The following PHACTR3 variants were observed in gnomAD, a reference collection of about 807,000 sequenced individuals.
The protein encoded by PHACTR3 is phosphatase and actin regulator 3.
A neutral mutation model predicts 66.8 loss-of-function variants in PHACTR3; 16 were observed. The ratio of observed to expected loss-of-function variants is 0.24; its 90% CI spans 0.16 to 0.36. The LOEUF (loss-of-function observed/expected upper bound fraction) is 0.36. Ranked by LOEUF, PHACTR3 falls within the 10% of genes least tolerant of loss-of-function variation. The pLI is 1.00. For missense variants in PHACTR3, 647 were observed against 719.9 expected (o/e 0.90, Z 1.16); for synonymous variants, 323 against 292.1 (o/e 1.11, Z -1.08).
intron 1 of PHACTR3, among the ~76,000 whole-genome samples, chr20:59,651,800 A>G (rs2035466561): frequency 6.6e-6 from 1 of 152,112 alleles, no homozygotes; most frequent in Admixed American, 6.5e-5. Flanking sequence ...AGAGTTTTCC[A>G]GAGAAACCCA....
At chr20:59,599,615 C>T (rs529555846), upstream of PHACTR3, among the ~76,000 whole-genome samples, 2 of 152,312 alleles carry the variant, frequency 1.3e-5, no homozygotes, top group East Asian at 3.9e-4. Context: ...GATAGCATCA[C>T]ACCCACCCTG....
At chr20:59,665,229 A>G (rs995333269) in intron 1 of PHACTR3, among the ~76,000 whole-genome samples, 4 of 152,186 alleles carry the variant, frequency 2.6e-5, no homozygotes, top group Admixed American at 2.6e-4. Context: ...TCCTTCAAGT[A>G]TGTGGCTCTC....
intron 2 of PHACTR3, 89 bp downstream of exon 2, chr20:59,743,357 C>CA: frequency 6.7e-7 from 1 of 1,501,072 alleles, no homozygotes; most frequent in Non-Finnish European, 9.1e-7. Context: ...CTGTGACTTC[C>CA]TGGCCCCTAC....
At chr20:59,806,443 A>G (rs1377300016) in intron 8 of PHACTR3, among the ~76,000 whole-genome samples, 7 of 152,204 alleles carry the variant, frequency 4.6e-5, no homozygotes, top group Admixed American at 4.6e-4. Flanking sequence ...CGTGACAATC[A>G]AAACTGTCCC....
At chr20:59,644,351 A>G (rs1003904503) in intron 1 of PHACTR3, among the ~76,000 whole-genome samples, 1 of 152,228 alleles carries the variant, frequency 6.6e-6, no homozygotes, top group African/African-American at 2.4e-5. Flanking sequence ...TGTGATATAA[A>G]CAACAGATAT....
At chr20:59,758,259 T>C (rs1483671193) in intron 4 of PHACTR3, among the ~76,000 whole-genome samples, 1 of 152,202 alleles carries the variant, frequency 6.6e-6, no homozygotes, top group Non-Finnish European at 1.5e-5. Context: ...ACATTATTAA[T>C]GTTCAATTAA....
chr20:59,594,104 C>T (rs1379412104), intron 1 of PHACTR3, among the ~76,000 whole-genome samples: 1 of 152,172 alleles, frequency 6.6e-6, no homozygotes, highest in Non-Finnish European at 1.5e-5. Context: ...TGACAATATC[C>T]ATGAACATGG....
intron 1 of PHACTR3, among the ~76,000 whole-genome samples, chr20:59,610,841 A>C (rs750455010): frequency 1.3e-5 from 2 of 152,220 alleles, no homozygotes; most frequent in Non-Finnish European, 2.9e-5. Flanking sequence ...TGCCAGAGTG[A>C]CTGGTGTGGT....
At chr20:59,601,359 T>C (rs149196303), upstream of PHACTR3, among the ~76,000 whole-genome samples, 1 of 152,390 alleles carries the variant, frequency 6.6e-6, no homozygotes, top group Non-Finnish European at 1.5e-5. Flanking sequence ...ACATTTTATT[T>C]ACCCATTTAT....
chr20:59,746,347 G>T (rs2039371394), intron 2 of PHACTR3, among the ~76,000 whole-genome samples: 1 of 152,218 alleles, frequency 6.6e-6, no homozygotes. Flanking sequence ...CTTGCCATCT[G>T]TCCTCCCACC....
intron 1 of PHACTR3, among the ~76,000 whole-genome samples, chr20:59,692,578 G>A (rs991000728): frequency 6.6e-6 from 1 of 152,202 alleles, no homozygotes; most frequent in Non-Finnish European, 1.5e-5. Context: ...TACTCTGCAT[G>A]AGTTAACCCT....
chr20:59,755,087 C>A, intron 3 of PHACTR3, 95 bp from the exon 4 acceptor site: 1 of 1,305,900 alleles, frequency 7.7e-7, no homozygotes, highest in Non-Finnish European at 1.1e-6. Context: ...CCACCCAGAG[C>A]CTAGAATGGA....
rs920083692 is a variant in PHACTR3, at chr20:59,653,883, G to A, written c.118+48751G>A. Among the ~76,000 whole-genome samples, 15 of 151,976 alleles carry A rather than the reference G, an allele frequency of 9.9e-5. No homozygotes were observed. The East Asian group carries it at 1.3e-3, about 14-fold the overall frequency. ...AAAGCAGTGAAAACCCTATAGCAAC[G>A]AACGCTTTCTACACCCAGATTTTGT... On this transcript the variant is annotated intron_variant, in intron 1 of 12. Transcript: ENST00000371015.
At chr20:59,699,774 C>T (rs571512789) in intron 1 of PHACTR3, among the ~76,000 whole-genome samples, 118 of 152,176 alleles carry the variant, frequency 7.8e-4, no homozygotes, top group African/African-American at 2.5e-3. Flanking sequence ...CCAGCCTGGC[C>T]AACATGGTGA....
intron 1 of PHACTR3, among the ~76,000 whole-genome samples, chr20:59,740,706 G>A (rs949234687): frequency 6.6e-6 from 1 of 152,198 alleles, no homozygotes; most frequent in Admixed American, 6.5e-5. Context: ...AGGCTCCAAG[G>A]GGCCGGGTGG....
chr20:59,756,186 C>T (rs1568786389), intron 4 of PHACTR3, among the ~76,000 whole-genome samples: 1 of 152,214 alleles, frequency 6.6e-6, no homozygotes, highest in African/African-American at 2.4e-5. Flanking sequence ...GCTTCACCAG[C>T]TCCTCCTCCT....
At chr20:59,617,914 C>T (rs1183631354) in intron 1 of PHACTR3, among the ~76,000 whole-genome samples, 1 of 152,186 alleles carries the variant, frequency 6.6e-6, no homozygotes, top group Non-Finnish European at 1.5e-5. Context: ...TTGCCTCATC[C>T]TCGTGGTAGA....
intron 1 of PHACTR3, among the ~76,000 whole-genome samples, chr20:59,699,284 T>C (rs1461338813): frequency 1.3e-5 from 2 of 152,206 alleles, no homozygotes; most frequent in Non-Finnish European, 2.9e-5. Flanking sequence ...ATTTCCTAGA[T>C]TTGGGGCCCA....
chr20:59,608,514 T>C (rs1166975273), intron 1 of PHACTR3, among the ~76,000 whole-genome samples: 1 of 152,250 alleles, frequency 6.6e-6, no homozygotes, highest in Non-Finnish European at 1.5e-5. Context: ...GCTCTCAGGC[T>C]CTGGGACTAG....
Sources: gnomAD v4.1 joint callset for allele counts (sites outside exome capture counted in the v4.1 genomes callset) on GRCh38, gnomAD v4.1.1 for gene constraint, MANE v1.5 for transcripts, NCBI Gene and HGNC (gene_info 2026-07-23, HGNC 2026-07-21) for gene names.